The following HDAC4 variants were observed in gnomAD, a reference collection of about 807,000 sequenced individuals.
The protein encoded by HDAC4 is histone deacetylase 4.
A neutral mutation model predicts 135.1 loss-of-function variants in HDAC4; 16 were observed. That is an observed-to-expected ratio of 0.12 (90% confidence interval 0.08 to 0.18). The LOEUF (loss-of-function observed/expected upper bound fraction) is 0.18. Among genes scored for constraint, HDAC4 ranks in the 10% least tolerant of loss-of-function variants. The pLI is 1.00. For missense variants in HDAC4, 1,143 were observed against 1,511.8 expected (o/e 0.76, Z 4.05); for synonymous variants, 685 against 653.4 (o/e 1.05, Z -0.74).
intron 2 of HDAC4, among the ~76,000 whole-genome samples, chr2:239,252,041 C>A (rs2048809814): frequency 6.6e-6 from 1 of 152,180 alleles, no homozygotes; most frequent in Non-Finnish European, 1.5e-5. Context: ...ATAGAGCCAC[C>A]ACCAGGAGAA....
rs548937815 is a variant in HDAC4 at position 239,216,010 on chromosome 2, AAC to A, written c.94+20581_94+20582del. Among the ~76,000 whole-genome samples, 22 of 152,362 alleles carry A rather than the reference AAC, an allele frequency of 1.4e-4. No individual in the cohort carries two copies. The South Asian group carries it at 4.3e-3, about 30-fold the overall frequency. Reference sequence around the variant, plus strand: ...TTATTTTAAAATAATAGGTACTTTTAACACATTAAACCCTAATTTGTTTAAAA... The same window carrying A: ...TTATTTTAAAATAATAGGTACTTTTAACATTAAACCCTAATTTGTTTAAAA... On this transcript the variant is annotated intron_variant, in intron 3 of 26. Coordinates refer to ENST00000543185, the MANE Select transcript of HDAC4 (RefSeq NM_001378414.1).
chr2:239,390,288 T>A (rs532257787), intron 1 of HDAC4, among the ~76,000 whole-genome samples: 1 of 152,108 alleles, frequency 6.6e-6, no homozygotes, highest in African/African-American at 2.4e-5. Flanking sequence ...TCCCAGCACT[T>A]TGGTAAGCCG....
intron 3 of HDAC4, among the ~76,000 whole-genome samples, chr2:239,212,530 A>T (rs2046399479): frequency 6.6e-6 from 1 of 152,230 alleles, no homozygotes; most frequent in Admixed American, 6.5e-5. Flanking sequence ...TGAAGGCCAG[A>T]ATGGCCCAGG....
chr2:239,346,811 TA>T (rs1468720033), intron 2 of HDAC4, among the ~76,000 whole-genome samples: 1 of 130,646 alleles, frequency 7.7e-6, no homozygotes, highest in South Asian at 2.8e-4. Flanking sequence ...ACACCCTGTC[TA>T]AAACACACAC....
intron 2 of HDAC4, among the ~76,000 whole-genome samples, chr2:239,244,030 T>C (rs2048337384): frequency 6.6e-6 from 1 of 152,172 alleles, no homozygotes; most frequent in African/African-American, 2.4e-5. Context: ...TTTTATAGAA[T>C]GTGCTTCAAC....
At chr2:239,298,186 G>C (rs1393011098) in intron 2 of HDAC4, 2 of 1,287,016 alleles carry the variant, frequency 1.6e-6, no homozygotes, top group African/African-American at 1.5e-5. Flanking sequence ...CTGACAGCAA[G>C]CTCAGGGAAC....
intron 2 of HDAC4, among the ~76,000 whole-genome samples, chr2:239,316,609 C>G (rs748794319): frequency 6.6e-6 from 1 of 152,074 alleles, no homozygotes; most frequent in African/African-American, 2.4e-5. Flanking sequence ...GGTAAGAGAG[C>G]GGCTGGATGA....
chr2:239,264,618 C>T (rs1018868839), intron 2 of HDAC4, among the ~76,000 whole-genome samples: 3 of 152,278 alleles, frequency 2.0e-5, no homozygotes, highest in Middle Eastern at 3.4e-3. Flanking sequence ...CCCTAGGGCT[C>T]GCAGCCTGAA....
chr2:239,091,538 G>C (rs1203252590), intron 17 of HDAC4: 1 of 152,196 alleles, frequency 6.6e-6, no homozygotes, highest in Admixed American at 6.5e-5. Context: ...CAGGAGCCAG[G>C]CGTGTCCACC....
In HDAC4 at chr2:239,132,038, C is replaced by T. The variant is rs553705907; in HGVS notation, c.1294+2207G>A. On this transcript the variant is annotated intron_variant, in intron 11 of 26. Transcript: ENST00000543185. ...TTCCAAATGAGGGCCCTGCTCATGG[C>T]GGGGCTGGGGGAGGGCCCCTGAGAC... Among the ~76,000 whole-genome samples, 6 of 152,150 alleles carry T rather than the reference C, an allele frequency of 3.9e-5. No homozygotes were observed. The South Asian group carries it at 6.2e-4, about 16-fold the overall frequency.
chr2:239,390,497 T>C (rs923936017), intron 1 of HDAC4, among the ~76,000 whole-genome samples: 4 of 152,140 alleles, frequency 2.6e-5, no homozygotes, highest in African/African-American at 9.7e-5. Flanking sequence ...TGTACTGTAG[T>C]GAGTGGTGAT....
chr2:239,239,320 A>C (rs2048052951), intron 2 of HDAC4, among the ~76,000 whole-genome samples: 1 of 152,240 alleles, frequency 6.6e-6, no homozygotes, highest in Non-Finnish European at 1.5e-5. Flanking sequence ...TGATGGGTTT[A>C]TTGTAAAAGA....
chr2:239,250,280 G>A (rs531866146), intron 2 of HDAC4, among the ~76,000 whole-genome samples: 5 of 152,234 alleles, frequency 3.3e-5, no homozygotes, highest in Non-Finnish European at 7.4e-5. Flanking sequence ...CCAGGGGTCC[G>A]AGAGGAGAGG....
intron 3 of HDAC4, among the ~76,000 whole-genome samples, chr2:239,227,965 T>C (rs1176451917): frequency 4.6e-5 from 7 of 152,108 alleles, no homozygotes; most frequent in Non-Finnish European, 1.0e-4. Context: ...GCCCTCCTGT[T>C]GTTATGCTTC....
intron 2 of HDAC4, among the ~76,000 whole-genome samples, chr2:239,253,186 C>T (rs1458869722): frequency 6.6e-6 from 1 of 152,210 alleles, no homozygotes. Context: ...TGTACCACTG[C>T]GTTAGCGTGG....
chr2:239,244,182 G>T (rs570504664), intron 2 of HDAC4, among the ~76,000 whole-genome samples: 2 of 152,314 alleles, frequency 1.3e-5, no homozygotes, highest in East Asian at 3.9e-4. Flanking sequence ...ATGGTTTAAA[G>T]AAAGAGCTTA....
At chr2:239,383,146 C>T (rs988070116) in intron 1 of HDAC4, among the ~76,000 whole-genome samples, 6 of 152,190 alleles carry the variant, frequency 3.9e-5, no homozygotes, top group African/African-American at 7.2e-5. Context: ...ACGGATCTCA[C>T]CCCGCTCACC....
chr2:239,304,208 G>C (rs1478378387), intron 2 of HDAC4, among the ~76,000 whole-genome samples: 1 of 152,090 alleles, frequency 6.6e-6, no homozygotes, highest in Non-Finnish European at 1.5e-5. Flanking sequence ...TGTGAGCTCG[G>C]GGAAGAAGTC....
At chr2:239,082,908 GT>G (rs1438506106) in intron 20 of HDAC4, among the ~76,000 whole-genome samples, 3 of 152,264 alleles carry the variant, frequency 2.0e-5, no homozygotes, top group African/African-American at 7.2e-5. Context: ...GGGCGAGGGG[GT>G]GGCCCCGCTG....
Sources: gnomAD v4.1 joint callset for allele counts (sites outside exome capture counted in the v4.1 genomes callset) on GRCh38, gnomAD v4.1.1 for gene constraint, MANE v1.5 for transcripts, NCBI Gene and HGNC (gene_info 2026-07-23, HGNC 2026-07-21) for gene names.